ZDHHC2: variants seen among roughly 807,000 people sequenced by gnomAD.
ZDHHC2 encodes palmitoyltransferase ZDHHC2.
A neutral mutation model predicts 55.6 loss-of-function variants in ZDHHC2; 51 were observed. The observed-to-expected ratio is 0.92, with a 90% CI of 0.73 to 1.16. ZDHHC2 has a LOEUF of 1.16. Ranked by LOEUF, ZDHHC2 falls within the 50% of genes most tolerant of loss-of-function variation. The pLI is 0.00. For missense variants in ZDHHC2, 491 were observed against 442.4 expected (o/e 1.11, Z -0.99); for synonymous variants, 199 against 152.9 (o/e 1.30, Z -2.22).
intron 6 of ZDHHC2, among the ~76,000 whole-genome samples, chr8:17,200,185 C>T (rs1332695770): frequency 1.3e-5 from 2 of 152,192 alleles, no homozygotes; most frequent in East Asian, 3.9e-4. Context: ...TACCTGCTGG[C>T]AGCTCCCCAT....
chr8:17,217,053 T>C (rs1397519117), intron 11 of ZDHHC2, 119 bp from the exon 12 acceptor site: 2 of 878,104 alleles, frequency 2.3e-6, no homozygotes, highest in Non-Finnish European at 3.6e-6. Flanking sequence ...TATACCCTTA[T>C]TATGTACAAG....
intron 1 of ZDHHC2, among the ~76,000 whole-genome samples, chr8:17,170,471 A>G (rs1178584811): frequency 6.6e-6 from 1 of 152,242 alleles, no homozygotes; most frequent in Non-Finnish European, 1.5e-5. Flanking sequence ...TAAAGTACTC[A>G]TAAGTGTCAA....
chr8:17,169,636 G>A (rs751676930), intron 1 of ZDHHC2, among the ~76,000 whole-genome samples: 2 of 152,152 alleles, frequency 1.3e-5, no homozygotes, highest in Middle Eastern at 3.2e-3. Context: ...ATTCTGATCC[G>A]CAGCACAGGG....
Position 17,193,949 on chromosome 8 carries a change from G to C in ZDHHC2, c.253-1555G>C, listed in dbSNP as rs539982996. On this transcript the variant is annotated intron_variant, in intron 3 of 12. Transcript: ENST00000262096. Reference sequence around the variant, plus strand: ...CCCACCCCACGACAGGCCCTGGTGTGTGATGTTCCTTCCTGTGTCCATGTG... The same window carrying C: ...CCCACCCCACGACAGGCCCTGGTGTCTGATGTTCCTTCCTGTGTCCATGTG... Among the ~76,000 whole-genome samples, 10 of 152,254 alleles carry C rather than the reference G, an allele frequency of 6.6e-5. No homozygotes were observed. The South Asian group carries it at 8.3e-4, about 13-fold the overall frequency.
intron 1 of ZDHHC2, among the ~76,000 whole-genome samples, chr8:17,166,975 A>G (rs1779030529): frequency 6.6e-6 from 1 of 152,182 alleles, no homozygotes; most frequent in Admixed American, 6.5e-5. Flanking sequence ...AAAAGGCTTT[A>G]CCCTGTTAGG....
chr8:17,214,994 A>G (rs1362332569), intron 10 of ZDHHC2, among the ~76,000 whole-genome samples: 1 of 152,166 alleles, frequency 6.6e-6, no homozygotes, highest in Non-Finnish European at 1.5e-5. Context: ...GAGATTTTCC[A>G]GTGTTAGAGA....
chr8:17,184,732 T>C, intron 1 of ZDHHC2, 57 bp from the exon 2 acceptor site: 1 of 1,450,314 alleles, frequency 6.9e-7, no homozygotes, highest in South Asian at 1.3e-5. Context: ...TATGTCTGTG[T>C]CAAGCCCCGT....
At chr8:17,207,858 A>G (rs2150941766) in intron 7 of ZDHHC2, 102 bp from the exon 8 acceptor site, 1 of 998,686 alleles carries the variant, frequency 1.0e-6, no homozygotes, top group East Asian at 3.3e-5. Context: ...TAAATTTAAG[A>G]AAAATTTTAA....
At chr8:17,201,314 G>A (rs1289853509) in intron 6 of ZDHHC2, among the ~76,000 whole-genome samples, 1 of 151,602 alleles carries the variant, frequency 6.6e-6, no homozygotes, top group Non-Finnish European at 1.5e-5. Flanking sequence ...GATTGAATCT[G>A]TTTCTTTTTG....
chr8:17,172,167 T>C (rs1400469536), intron 1 of ZDHHC2, among the ~76,000 whole-genome samples: 1 of 152,218 alleles, frequency 6.6e-6, no homozygotes, highest in Non-Finnish European at 1.5e-5. Context: ...TTAACTTTTT[T>C]GCCTACTTTA....
At chr8:17,171,851 C>T (rs1227810162) in intron 1 of ZDHHC2, among the ~76,000 whole-genome samples, 3 of 151,458 alleles carry the variant, frequency 2.0e-5, no homozygotes, top group Admixed American at 1.3e-4. Flanking sequence ...TTTAGACTCT[C>T]CCTTTCCTTT....
chr8:17,224,708 G>A lies in ZDHHC2; in HGVS notation c.*4487G>A, dbSNP rs1375303854. 2.0e-5 allele frequency: 3 copies of A among 151,676 alleles called. No individual in the cohort carries two copies. Among genetic ancestry groups the A allele is most frequent in the Non-Finnish European group, 4.4e-5 (3 of 67,696 alleles). The allele number at this position is 151,676 out of a possible 1,614,324, so 9.4% of individuals were successfully genotyped here. ...TATTTTTCTCAGTTATGAGAGCAAG[G>A]CTATTTTGTCAGTTTAGATTTTGTG... On this transcript the variant is annotated 3_prime_UTR_variant, in exon 13 of 13. Transcript: ENST00000262096.
intron 1 of ZDHHC2, among the ~76,000 whole-genome samples, chr8:17,172,121 C>G (rs1804884556): frequency 6.6e-6 from 1 of 152,118 alleles, no homozygotes; most frequent in South Asian, 2.1e-4. Flanking sequence ...GCCCCTGCAC[C>G]TGGAACTGTT....
chr8:17,198,243 A>G, intron 5 of ZDHHC2, 138 bp from the exon 6 acceptor site: 2 of 710,220 alleles, frequency 2.8e-6, no homozygotes, highest in South Asian at 5.3e-5. Flanking sequence ...GCTATTATCC[A>G]ATTTTTAGAT....
chr8:17,173,545 T>C (rs1356446490), intron 1 of ZDHHC2, among the ~76,000 whole-genome samples: 1 of 151,164 alleles, frequency 6.6e-6, no homozygotes, highest in Non-Finnish European at 1.5e-5. Flanking sequence ...TAGGAGGGCA[T>C]GGTGGCACGC....
chr8:17,181,662 C>A (rs1268650774), intron 1 of ZDHHC2, among the ~76,000 whole-genome samples: 1 of 152,060 alleles, frequency 6.6e-6, no homozygotes, highest in Non-Finnish European at 1.5e-5. Context: ...TTAAATAATC[C>A]TGGATTAAAA....
At chr8:17,193,183 T>A (rs759994621) in intron 3 of ZDHHC2, among the ~76,000 whole-genome samples, 10 of 152,350 alleles carry the variant, frequency 6.6e-5, no homozygotes, top group Admixed American at 3.9e-4. Flanking sequence ...TTAGTATTTG[T>A]CCTCCTTGGG....
Position 17,221,988 on chromosome 8 carries a change from T to TG in ZDHHC2, c.*1767_*1768insG, listed in dbSNP as rs1329418120. On this transcript the variant is annotated 3_prime_UTR_variant, in exon 13 of 13. Transcript: ENST00000262096. ...TATATGAAGTCAGGTTTGTTTTTTTTTTTTTTTTTTTTTCAAAGCACAGTA... is the reference window on the plus strand; with the variant it reads ...TATATGAAGTCAGGTTTGTTTTTTTTGTTTTTTTTTTTTTCAAAGCACAGTA... 1 of 150,324 alleles carries TG rather than the reference T, an allele frequency of 6.7e-6. No homozygotes were observed. Among genetic ancestry groups the TG allele is most frequent in the Non-Finnish European group, 1.5e-5 (1 of 67,292 alleles). The allele number at this position is 150,324 out of a possible 1,614,324, so 9.3% of individuals were successfully genotyped here.
intron 8 of ZDHHC2, 110 bp downstream of exon 8, chr8:17,208,202 C>T (rs1289162173): frequency 3.6e-6 from 4 of 1,122,440 alleles, no homozygotes. Context: ...TGGGAAAAGT[C>T]ATTCTTATTT....
Sources: allele counts gnomAD v4.1 joint callset (sites outside exome capture counted in the v4.1 genomes callset), GRCh38; gene constraint gnomAD v4.1.1; transcripts MANE v1.5; gene names NCBI Gene and HGNC (gene_info 2026-07-23, HGNC 2026-07-21).